Variants in MRPL1 observed in about 807,000 individuals in gnomAD.
The protein encoded by MRPL1 is mitochondrial ribosomal protein L1.
MRPL1 carries 28 observed loss-of-function variants against 38.0 expected under a neutral mutation model. The ratio of observed to expected loss-of-function variants is 0.74; its 90% CI spans 0.55 to 1.01. The LOEUF (loss-of-function observed/expected upper bound fraction) is 1.01. MRPL1 is among the 50% of genes least tolerant of loss of function. The pLI is 0.00. For missense variants in MRPL1, 358 were observed against 389.8 expected (o/e 0.92, Z 0.69); for synonymous variants, 123 against 126.7 (o/e 0.97, Z 0.20).
intron 1 of MRPL1, among the ~76,000 whole-genome samples, chr4:77,867,553 C>G (rs201074207): frequency 1.1e-5 from 1 of 92,752 alleles, no homozygotes; most frequent in African/African-American, 6.8e-5. Context: ...TTTTCTTTTT[C>G]TTTTCTTTTC....
chr4:77,952,743 G>T lies in MRPL1; in HGVS notation c.*136G>T. Reference sequence around the variant, plus strand: ...AACTTTAACATTGAAAAATCGTACAGTCATTTCAAGAATAAGAAAATAAAA... The same window carrying T: ...AACTTTAACATTGAAAAATCGTACATTCATTTCAAGAATAAGAAAATAAAA... On this transcript the variant is annotated 3_prime_UTR_variant, in exon 9 of 9. Coordinates refer to ENST00000315567, the MANE Select transcript of MRPL1 (RefSeq NM_020236.4). 1 of 600,956 alleles carries T rather than the reference G, an allele frequency of 1.7e-6. No individual in the cohort carries two copies. Among genetic ancestry groups the T allele is most frequent in the Non-Finnish European group, 2.8e-6 (1 of 351,968 alleles). The allele number at this position is 600,956 out of a possible 1,614,324, so 37.2% of individuals were successfully genotyped here.
intron 6 of MRPL1, among the ~76,000 whole-genome samples, chr4:77,898,240 C>T (rs1039722667): frequency 1.3e-5 from 2 of 151,992 alleles, no homozygotes; most frequent in Non-Finnish European, 2.9e-5. Context: ...CATTTTAGGA[C>T]ATATCACTCT....
intron 2 of MRPL1, among the ~76,000 whole-genome samples, chr4:77,872,561 G>A (rs1011427420): frequency 2.6e-5 from 4 of 152,052 alleles, no homozygotes; most frequent in African/African-American, 7.2e-5. Context: ...GTGAAACCCC[G>A]TGTCTACTAA....
intron 7 of MRPL1, among the ~76,000 whole-genome samples, chr4:77,944,365 T>C (rs1417956712): frequency 6.6e-6 from 1 of 152,230 alleles, no homozygotes; most frequent in Non-Finnish European, 1.5e-5. Context: ...CATTACCTTA[T>C]GCTGGTCCCT....
chr4:77,885,838 A>G (rs1735665268), intron 4 of MRPL1, among the ~76,000 whole-genome samples: 1 of 152,250 alleles, frequency 6.6e-6, no homozygotes, highest in Non-Finnish European at 1.5e-5. Flanking sequence ...TTAGCTTGAG[A>G]AAGAGCTAAA....
chr4:77,886,796 T>C (rs1254334789), intron 4 of MRPL1, among the ~76,000 whole-genome samples: 2 of 138,852 alleles, frequency 1.4e-5, no homozygotes, highest in South Asian at 2.4e-4. Flanking sequence ...TTTCTTTTTT[T>C]TTTTTTTTTT....
intron 7 of MRPL1, among the ~76,000 whole-genome samples, chr4:77,931,922 T>G (rs561728106): frequency 5.3e-5 from 8 of 152,172 alleles, no homozygotes; most frequent in Non-Finnish European, 8.8e-5. Context: ...CACGCAGCGC[T>G]GTGAGGAGAT....
chr4:77,890,811 A>G (rs947489268), intron 5 of MRPL1, among the ~76,000 whole-genome samples: 11 of 152,240 alleles, frequency 7.2e-5, no homozygotes, highest in African/African-American at 2.4e-4. Context: ...TCAATGTGCA[A>G]AAATCACAAG....
chr4:77,904,776 A>T (rs1304676241), intron 6 of MRPL1, among the ~76,000 whole-genome samples: 1 of 152,140 alleles, frequency 6.6e-6, no homozygotes, highest in Non-Finnish European at 1.5e-5. Flanking sequence ...AAAAAGAATA[A>T]TTTTTTCAAT....
Position 77,885,291 on chromosome 4 carries a change from G to T in MRPL1, c.438G>T (p.Leu146Phe). The T allele has an allele frequency of 2.5e-6, 4 of 1,613,936 alleles. No individual in the cohort carries two copies. Among genetic ancestry groups the T allele is most frequent in the Non-Finnish European group, 3.4e-6 (4 of 1,179,852 alleles). Residue 146 changes from leucine to phenylalanine, a missense_variant, in exon 4 of 9, where the codon TTG becomes TTT. Physicochemically the swap from Leu to Phe is conservative, Grantham distance 22 (BLOSUM62 0). Transcript: ENST00000315567. ...NVEPFTSVLS[L>F]PYPFASEINK... ...AGCCATTTACCAGTGTTCTTAGTTT[G>T]CCATACCCATTTGCTTCCGAAATCA...
intron 7 of MRPL1, among the ~76,000 whole-genome samples, chr4:77,936,164 A>G (rs925892432): frequency 7.2e-6 from 1 of 139,824 alleles, no homozygotes. Flanking sequence ...TTCTGTATGG[A>G]CGTATTTTTT....
rs745322822 is a variant in MRPL1, at chr4:77,949,797, T to C, written c.778T>C (p.Leu260=). The C allele has an allele frequency of 6.3e-7, 1 of 1,591,842 alleles. No homozygotes were observed. Among genetic ancestry groups the C allele is most frequent in the South Asian group, 1.1e-5 (1 of 89,764 alleles). The change falls in exon 8 of 9, where the codon TTG becomes CTG. Residue 260 remains leucine (L), a splice_region_variant and synonymous_variant. Coordinates refer to ENST00000315567, the MANE Select transcript of MRPL1 (RefSeq NM_020236.4). ...TGTTATGTATATTATTTTCTTTCAG[T>C]TGGATATGTCAAGTGACCAGATAGC... The part of the protein sequence containing the change: ...ENFLQTKIAT[L]DMSSDQIAAN...
At chr4:77,940,212 T>G (rs1257305597) in intron 7 of MRPL1, among the ~76,000 whole-genome samples, 1 of 152,226 alleles carries the variant, frequency 6.6e-6, no homozygotes, top group Admixed American at 6.5e-5. Context: ...TTGTCTATGA[T>G]TTCTTTCAGC....
chr4:77,945,768 A>T (rs1488103402), intron 7 of MRPL1, among the ~76,000 whole-genome samples: 1 of 152,036 alleles, frequency 6.6e-6, no homozygotes, highest in Non-Finnish European at 1.5e-5. Flanking sequence ...TCAAAAGGGG[A>T]GGGGGTGTAC....
Position 77,914,610 on chromosome 4 carries a change from A to G in MRPL1, c.777+5238A>G, listed in dbSNP as rs145781813. Among the ~76,000 whole-genome samples, 1,395 of 152,296 alleles carry G rather than the reference A, an allele frequency of 9.2e-3. 18 individuals are homozygous for G. Among genetic ancestry groups the G allele is most frequent in the African/African-American group, 0.031 (1,293 of 41,564 alleles). On this transcript the variant is annotated intron_variant, in intron 7 of 8. Coordinates refer to ENST00000315567, the MANE Select transcript of MRPL1 (RefSeq NM_020236.4). ...TAAATTTTATTATTAGAATTATCTT[A>G]TAGTTAAAAATTTAGAAATGATTTT...
At chr4:77,899,829 G>A (rs911649096) in intron 6 of MRPL1, among the ~76,000 whole-genome samples, 15 of 152,132 alleles carry the variant, frequency 9.9e-5, no homozygotes, top group African/African-American at 3.6e-4. Context: ...AAGTGAAAGT[G>A]GAGAAAGAGG....
intron 7 of MRPL1, among the ~76,000 whole-genome samples, chr4:77,923,862 G>A (rs962001084): frequency 6.6e-6 from 1 of 152,002 alleles, no homozygotes; most frequent in Non-Finnish European, 1.5e-5. Flanking sequence ...GCTTGAACCT[G>A]GGAGATGGAA....
intron 7 of MRPL1, among the ~76,000 whole-genome samples, chr4:77,948,221 A>G (rs549140650): frequency 2.6e-4 from 40 of 152,268 alleles, no homozygotes; most frequent in African/African-American, 8.9e-4. Flanking sequence ...GGGGGTGTAG[A>G]ATTGATTAGA....
chr4:77,866,075 G>A (rs1373848453), intron 1 of MRPL1, among the ~76,000 whole-genome samples: 1 of 151,966 alleles, frequency 6.6e-6, no homozygotes, highest in African/African-American at 2.4e-5. Context: ...TTTCTGAGAT[G>A]GAGTCTTGCT....
Sources: gnomAD v4.1 joint callset for allele counts (sites outside exome capture counted in the v4.1 genomes callset) on GRCh38, gnomAD v4.1.1 for gene constraint, MANE v1.5 for transcripts, NCBI Gene and HGNC (gene_info 2026-07-23, HGNC 2026-07-21) for gene names.